The following RBFOX2 variants were observed in gnomAD, a reference collection of about 807,000 sequenced individuals.
The protein encoded by RBFOX2 is RNA binding fox-1 homolog 2.
RBFOX2 carries 10 observed loss-of-function variants against 49.1 expected under a neutral mutation model. The observed-to-expected ratio is 0.20, with a 90% CI of 0.13 to 0.35. RBFOX2 has a LOEUF of 0.35. RBFOX2 is among the 10% of genes least tolerant of loss of function. The pLI is 1.00. For synonymous variants in RBFOX2, 183 were observed against 187.4 expected, an observed-to-expected ratio of 0.98 and a Z score of 0.19; for missense variants, 323 against 486.9, an observed-to-expected ratio of 0.66 and a Z score of 3.17.
chr22:35,889,730 GA>G (rs2047022795), intron 1 of RBFOX2, among the ~76,000 whole-genome samples: 1 of 152,098 alleles, frequency 6.6e-6, no homozygotes, highest in South Asian at 2.1e-4. Flanking sequence ...AATGTTATCT[GA>G]ACTGAGCCAT....
chr22:35,778,751 C>T (rs555508270), intron 3 of RBFOX2, among the ~76,000 whole-genome samples: 17 of 152,108 alleles, frequency 1.1e-4, no homozygotes, highest in Non-Finnish European at 2.5e-4. Flanking sequence ...ATTCTCCTGC[C>T]TCAGCCTCTT....
intron 1 of RBFOX2, among the ~76,000 whole-genome samples, chr22:35,991,835 G>A (rs2057995922): frequency 6.6e-6 from 1 of 152,158 alleles, no homozygotes; most frequent in Admixed American, 6.5e-5. Flanking sequence ...TAATAAAAAT[G>A]AGGCCTCAAG....
At chr22:35,797,120 T>C (rs1948920985) in intron 2 of RBFOX2, among the ~76,000 whole-genome samples, 1 of 152,158 alleles carries the variant, frequency 6.6e-6, no homozygotes, top group African/African-American at 2.4e-5. Context: ...GAAAATAAAA[T>C]ACATTTATTT....
chr22:35,856,500 C>G (rs952329611), intron 1 of RBFOX2, among the ~76,000 whole-genome samples: 1 of 152,046 alleles, frequency 6.6e-6, no homozygotes, highest in Non-Finnish European at 1.5e-5. Context: ...GCCGAGATTT[C>G]TGCCTGAGGT....
At chr22:35,933,951 T>TATATAC (rs1556421313) in intron 1 of RBFOX2, among the ~76,000 whole-genome samples, 1 of 141,610 alleles carries the variant, frequency 7.1e-6, no homozygotes, top group African/African-American at 2.7e-5. Context: ...TATATATATA[T>TATATAC]ATACACACAT....
upstream of RBFOX2, among the ~76,000 whole-genome samples, chr22:35,843,972 T>C (rs1223130142): frequency 6.6e-6 from 1 of 152,172 alleles, no homozygotes. Flanking sequence ...TACCAAGAAT[T>C]TACCCTGACG....
upstream of RBFOX2, among the ~76,000 whole-genome samples, chr22:35,843,308 A>G (rs1436372009): frequency 6.6e-6 from 1 of 152,198 alleles, no homozygotes; most frequent in Non-Finnish European, 1.5e-5. Flanking sequence ...ATGTCAGCTA[A>G]TGAAGGAGGC....
intron 1 of RBFOX2, chr22:35,897,544 T>C: frequency 1.2e-6 from 1 of 858,744 alleles, no homozygotes; most frequent in Non-Finnish European, 2.0e-6. Context: ...AAGTACCCCT[T>C]TGCTGTGAGC....
At chr22:35,887,367 C>T (rs994515771) in intron 1 of RBFOX2, among the ~76,000 whole-genome samples, 9 of 152,158 alleles carry the variant, frequency 5.9e-5, no homozygotes, top group African/African-American at 1.9e-4. Flanking sequence ...TCCTGCACTT[C>T]CTTGCCCTCC....
chr22:35,979,380 G>A (rs1254330905), intron 1 of RBFOX2, among the ~76,000 whole-genome samples: 4 of 152,212 alleles, frequency 2.6e-5, no homozygotes, highest in African/African-American at 7.2e-5. Flanking sequence ...ATGGATGGTC[G>A]CGTTGTACTA....
At chr22:35,972,406 G>A (rs1280932817) in intron 1 of RBFOX2, among the ~76,000 whole-genome samples, 1 of 149,922 alleles carries the variant, frequency 6.7e-6, no homozygotes, top group African/African-American at 2.5e-5. Context: ...ATTCGTTTCT[G>A]TAAAATTGAT....
intron 1 of RBFOX2, among the ~76,000 whole-genome samples, chr22:35,834,641 T>C (rs1278947770): frequency 6.6e-6 from 1 of 151,946 alleles, no homozygotes; most frequent in Non-Finnish European, 1.5e-5. Flanking sequence ...ACAAACCATA[T>C]GGGTACCAGT....
At chr22:35,794,236 T>C (rs1338842180) in intron 2 of RBFOX2, among the ~76,000 whole-genome samples, 1 of 151,940 alleles carries the variant, frequency 6.6e-6, no homozygotes, top group Non-Finnish European at 1.5e-5. Context: ...ACCATTTGCA[T>C]GGAGAAGCAG....
chr22:35,762,969 T>C (rs759015023), intron 6 of RBFOX2, among the ~76,000 whole-genome samples: 1 of 152,214 alleles, frequency 6.6e-6, no homozygotes, highest in Non-Finnish European at 1.5e-5. Flanking sequence ...CCACATAAAA[T>C]TCTGGCAAAA....
intron 2 of RBFOX2, among the ~76,000 whole-genome samples, chr22:35,794,585 G>A (rs994045443): frequency 9.9e-5 from 15 of 151,826 alleles, no homozygotes; most frequent in African/African-American, 3.4e-4. Flanking sequence ...GTGAACCCGG[G>A]AGGCGGAACT....
chr22:35,936,319 T>G (rs982577220), intron 1 of RBFOX2, among the ~76,000 whole-genome samples: 2 of 151,610 alleles, frequency 1.3e-5, no homozygotes, highest in Non-Finnish European at 2.9e-5. Context: ...TTCCTCGATT[T>G]GCTGAGCCAA....
rs761777894 is a variant in RBFOX2, at chr22:35,913,355, CAG to C, written c.-34+25490_-34+25491del. On this transcript the variant is annotated intron_variant, in intron 1 of 13. Transcript: ENST00000359369. ...AAAGTAAGATCTGCAGGAAGAGAAA[CAG>C]AAAGTGTTCTCTTGGGTAAGGTGTA... Among the ~76,000 whole-genome samples, 94 of 151,938 alleles carry C rather than the reference CAG, an allele frequency of 6.2e-4. No homozygotes were observed. In the Middle Eastern group the frequency reaches 0.017, roughly 27 times the overall value.
intron 1 of RBFOX2, among the ~76,000 whole-genome samples, chr22:35,903,995 A>T (rs1326194938): frequency 2.6e-5 from 4 of 152,066 alleles, no homozygotes; most frequent in African/African-American, 9.7e-5. Flanking sequence ...ATGACCTGCT[A>T]TGTGCCCACT....
intron 4 of RBFOX2, among the ~76,000 whole-genome samples, chr22:35,773,941 G>A (rs948907731): frequency 2.0e-5 from 3 of 152,060 alleles, no homozygotes; most frequent in African/African-American, 7.2e-5. Context: ...CAAGAATACA[G>A]GGGGCTGAAC....
Sources: allele counts gnomAD v4.1 joint callset (sites outside exome capture counted in the v4.1 genomes callset), GRCh38; gene constraint gnomAD v4.1.1; transcripts MANE v1.5; gene names NCBI Gene and HGNC (gene_info 2026-07-23, HGNC 2026-07-21).